Variants in FAT2 observed in about 807,000 individuals in gnomAD.
FAT2 encodes FAT atypical cadherin 2.
In FAT2, 150 loss-of-function variants were observed where a neutral mutation model predicts 295.3. That is an observed-to-expected ratio of 0.51 (90% CI 0.44 to 0.58). The LOEUF (loss-of-function observed/expected upper bound fraction) is 0.58, where lower values mean the gene tolerates loss of function less well. Ranked by LOEUF, FAT2 falls within the 20% of genes least tolerant of loss-of-function variation. The pLI, the probability that FAT2 is intolerant of heterozygous loss-of-function variation, is 0.00. For missense variants in FAT2, 4,868 were observed against 5,442.7 expected, an observed-to-expected ratio of 0.89 and a Z score of 3.32; for synonymous variants, 2,026 against 2,150.3, an observed-to-expected ratio of 0.94 and a Z score of 1.60.
chr5:151,544,769 G>A lies in FAT2; in HGVS notation c.6358C>T (p.Pro2120Ser), dbSNP rs201031099. The change falls in exon 10 of 24, where the codon CCC (proline) becomes TCC (serine). Residue 2120 changes from proline to serine, a missense_variant. Physicochemically the swap from Pro to Ser is moderately conservative, Grantham distance 74. Around this residue, in one of 5 missense-constraint regions of FAT2, gnomAD observed 3,297 missense variants for 3,669.4 expected, o/e 0.90. Transcript: ENST00000261800. ...AEDYTYFRIDPYLGDISLKKP... is the reference protein window; with the variant it reads ...AEDYTYFRIDSYLGDISLKKP... ...TTGAGTGATATGTCCCCAAGATAGG[G>A]GTCAATTCGGAAATATGTGTAATCT... The A allele has an allele frequency of 2.0e-4, 323 of 1,614,142 alleles. 3 individuals carry two copies. Among genetic ancestry groups the A allele is most frequent in the Admixed American group, 4.3e-4 (26 of 60,020 alleles).
In FAT2 at chr5:151,512,595, T is replaced by A; in HGVS notation, c.11475A>T (p.Gly3825=). 1 of 1,604,772 alleles carries A rather than the reference T, an allele frequency of 6.2e-7. No individual in the cohort carries two copies. Among genetic ancestry groups the A allele is most frequent in the African/African-American group, 1.3e-5 (1 of 74,758 alleles). The change falls in exon 21 of 24, where the codon GGA becomes GGT. Residue 3825 remains glycine (G), a synonymous_variant. Coordinates refer to ENST00000261800, the MANE Select transcript of FAT2 (RefSeq NM_001447.3). This position sits in a 1 kb window ranked among gnomAD's most constrained non-coding sequence, Gnocchi z 4.1. ...GACAGTGGTATTCCAGCTGGGGCAC[T>A]CCACTGGCCAGCTGCAAAGGAAATC... ...TASVSLKLAS[G]VPQLEYHCLG...
intron 1 of FAT2, among the ~76,000 whole-genome samples, chr5:151,571,847 G>A (rs1402030318): frequency 6.6e-6 from 1 of 152,202 alleles, no homozygotes; most frequent in East Asian, 1.9e-4. Context: ...ACACTTTCCA[G>A]TGGCTTCCCA....
At chr5:151,513,753 G>T (rs1185115712) in intron 20 of FAT2, among the ~76,000 whole-genome samples, 2 of 151,756 alleles carry the variant, frequency 1.3e-5, no homozygotes, top group African/African-American at 4.8e-5. Flanking sequence ...ACTAAAAATT[G>T]GAAGAAAAAA....
rs1756031537 is a variant in FAT2 at position 151,540,587 on chromosome 5, TATC to T, written c.9016_9018del (p.Asp3006del). 2 of 1,613,670 alleles carry T rather than the reference TATC, an allele frequency of 1.2e-6. No homozygotes were observed. Among genetic ancestry groups the T allele is most frequent in the African/African-American group, 2.7e-5 (2 of 74,918 alleles). On this transcript the variant is annotated inframe_deletion, in exon 11 of 24. Coordinates refer to ENST00000261800, the MANE Select transcript of FAT2 (RefSeq NM_001447.3). ...CTCACCTGTGAACACTGTGGGCTGT[TATC>T]ATTGACGTCCAGGACAAAGATCTCC...
rs763147901 is a variant in FAT2 at position 151,554,535 on chromosome 5, C to A, written c.3772G>T (p.Val1258Leu). Reference sequence around the variant, plus strand: ...AGCCTGTACACAGGCCCAGGGGACACAGGGCTCAGCCTCTCTGGAAGGCGG... The same window carrying A: ...AGCCTGTACACAGGCCCAGGGGACAAAGGGCTCAGCCTCTCTGGAAGGCGG... ...NVRLPERLSPVSPGPVYRLVA... is the reference protein window; with the variant it reads ...NVRLPERLSPLSPGPVYRLVA... Residue 1258 changes from valine to leucine, a missense_variant, in exon 5 of 24, where the codon GTG (valine) becomes TTG (leucine). By Grantham distance (32) the Val-to-Leu change is conservative. Transcript: ENST00000261800. 6.2e-7 allele frequency: 1 copy of A among 1,614,230 alleles called. No individual in the cohort carries two copies. The highest frequency in any genetic ancestry group is 1.1e-5 in the South Asian group (1 of 91,082).
At chr5:151,583,076 A>G (rs1327847294) in intron 1 of FAT2, among the ~76,000 whole-genome samples, 4 of 152,150 alleles carry the variant, frequency 2.6e-5, no homozygotes, top group African/African-American at 7.2e-5. Context: ...AGGTCTTTCT[A>G]TCTCCTAGAT....
At chr5:151,590,395 T>C (rs1333894669) in intron 1 of FAT2, among the ~76,000 whole-genome samples, 5 of 152,238 alleles carry the variant, frequency 3.3e-5, no homozygotes. Context: ...GCACCGGCTC[T>C]GAGAACTGAA....
rs184421119 is a variant in FAT2, at chr5:151,521,681, G to A, written c.10912C>T (p.Leu3638Phe). The change falls in exon 19 of 24, where the codon CTC becomes TTC. Residue 3638 changes from leucine (L) to phenylalanine (F), a missense_variant. This residue lies in a region of FAT2 where 1,046 missense variants were observed against 1,210.1 expected (regional missense o/e 0.86). Coordinates refer to ENST00000261800, the MANE Select transcript of FAT2 (RefSeq NM_001447.3). ...TCACTCACCAGCTCCTCGGGGGTGA[G>A]CTGGTAGAAGCCCATCCACATGGCC... Reference protein sequence around the residue: ...QQAMWMGFYQLTPEELVSDHW... With the variant: ...QQAMWMGFYQFTPEELVSDHW... 90 of 1,613,974 alleles carry A rather than the reference G, an allele frequency of 5.6e-5. No homozygotes were observed. The highest frequency in any genetic ancestry group is 1.5e-4 in the Admixed American group (9 of 60,036).
intron 3 of FAT2, among the ~76,000 whole-genome samples, chr5:151,558,750 A>G (rs997794603): frequency 5.3e-5 from 8 of 152,188 alleles, no homozygotes; most frequent in Non-Finnish European, 1.0e-4. Context: ...GGCTCTTCCC[A>G]TGACAGGCTG....
rs1383816672 is a variant in FAT2, at chr5:151,517,664, CCTGTGG to C, written c.11413_11418del (p.Pro3805_Gln3806del). On this transcript the variant is annotated inframe_deletion, in exon 20 of 24. Transcript: ENST00000261800. ...GTTTCATTGGTGAATAGAAGAATGG[CCTGTGG>C]CTGGAGTGTTTTCAGATAGAAATGG... 3 of 1,614,166 alleles carry C rather than the reference CCTGTGG, an allele frequency of 1.9e-6. No individual in the cohort carries two copies. In the South Asian group the frequency reaches 3.3e-5, roughly 18 times the overall value.
At chr5:151,585,969 T>C (rs952049753) in intron 1 of FAT2, among the ~76,000 whole-genome samples, 2 of 152,078 alleles carry the variant, frequency 1.3e-5, no homozygotes, top group African/African-American at 2.4e-5. Flanking sequence ...GTAACAGAGA[T>C]GGAAAGTGTT....
intron 18 of FAT2, among the ~76,000 whole-genome samples, chr5:151,524,526 C>T (rs1253810066): frequency 6.6e-6 from 1 of 152,222 alleles, no homozygotes; most frequent in Non-Finnish European, 1.5e-5. Flanking sequence ...TCTGGGACTT[C>T]CAGCCTCCAG....
chr5:151,562,863 T>C (rs1301934262), intron 3 of FAT2, among the ~76,000 whole-genome samples: 1 of 152,146 alleles, frequency 6.6e-6, no homozygotes, highest in African/African-American at 2.4e-5. Flanking sequence ...ACAACATAAG[T>C]GGATTCACAT....
chr5:151,567,349 A>G lies in FAT2; in HGVS notation c.1583T>C (p.Ile528Thr), dbSNP rs1176482988. 1 of 1,614,196 alleles carries G rather than the reference A, an allele frequency of 6.2e-7. No homozygotes were observed. The highest frequency in any genetic ancestry group is 1.1e-5 in the South Asian group (1 of 91,086). Residue 528 changes from isoleucine (I) to threonine (T), a missense_variant, in exon 2 of 24, where the codon ATT becomes ACT. Physicochemically the swap from Ile to Thr is moderately conservative, Grantham distance 89. Transcript: ENST00000261800. Reference sequence around the variant, plus strand: ...TGATGCTCTTACCCGGAAGGTATAAATTCTTTTCATGAGTTCATAGTCCAT... The same window carrying G: ...TGATGCTCTTACCCGGAAGGTATAAGTTCTTTTCATGAGTTCATAGTCCAT... ...KPMDYELMKR[I>T]YTFRVRASDW...
chr5:151,559,956 C>G (rs1337617518), intron 3 of FAT2, among the ~76,000 whole-genome samples: 1 of 152,212 alleles, frequency 6.6e-6, no homozygotes, highest in African/African-American at 2.4e-5. Context: ...TGAGGTGGCG[C>G]TCAGTGGACT....
intron 1 of FAT2, among the ~76,000 whole-genome samples, chr5:151,572,239 G>T (rs1360499759): frequency 6.6e-6 from 1 of 152,178 alleles, no homozygotes; most frequent in Non-Finnish European, 1.5e-5. Flanking sequence ...ATTCCCTAGT[G>T]CCTAGAACAG....
intron 3 of FAT2, among the ~76,000 whole-genome samples, chr5:151,562,890 G>A (rs1333591363): frequency 7.2e-5 from 11 of 152,092 alleles, no homozygotes; most frequent in African/African-American, 1.4e-4. Flanking sequence ...CACTCTGGGC[G>A]GGGTTGAGAT....
At chr5:151,539,893 G>T (rs2127601164) in intron 11 of FAT2, among the ~76,000 whole-genome samples, 1 of 152,270 alleles carries the variant, frequency 6.6e-6, no homozygotes, top group East Asian at 1.9e-4. Context: ...AAATGAAATT[G>T]CCCTGTCTCG....
intron 1 of FAT2, among the ~76,000 whole-genome samples, chr5:151,588,393 G>T (rs35241949): frequency 0.24 from 36,487 of 152,052 alleles, 4,621 homozygotes; most frequent in East Asian, 0.37. Context: ...TTTCCCCACT[G>T]CTGTGTGACC....
Sources: gnomAD v4.1 joint callset for allele counts (sites outside exome capture counted in the v4.1 genomes callset) on GRCh38, gnomAD v4.1.1 for gene constraint, gnomAD v4.1.1 regional missense constraint, Gnocchi (gnomAD v3.1) non-coding constraint, MANE v1.5 for transcripts, NCBI Gene and HGNC (gene_info 2026-07-23, HGNC 2026-07-21) for gene names.